The following EML6 variants were observed in gnomAD, a reference collection of about 807,000 sequenced individuals.
The protein encoded by EML6 is EMAP like 6, also known as echinoderm microtubule-associated protein-like 6.
EML6 carries 154 observed loss-of-function variants against 240.1 expected under a neutral mutation model. That is an observed-to-expected ratio of 0.64 (90% CI 0.56 to 0.73). EML6 has a LOEUF of 0.73. Ranked by LOEUF, EML6 falls within the 30% of genes least tolerant of loss-of-function variation. EML6 has a pLI of 0.00. For synonymous variants in EML6, 1,148 were observed against 899.0 expected (o/e 1.28, Z -4.95); for missense variants, 2,964 against 2,474.6 (o/e 1.20, Z -4.20).
At chr2:54,862,153 A>C (rs188339994) in intron 12 of EML6, among the ~76,000 whole-genome samples, 15 of 152,044 alleles carry the variant, frequency 9.9e-5, no homozygotes, top group African/African-American at 3.4e-4. Context: ...CCTGGCCAAC[A>C]TGGTGAAACA....
intron 28 of EML6, among the ~76,000 whole-genome samples, chr2:54,943,176 C>T (rs989751797): frequency 6.6e-6 from 1 of 152,244 alleles, no homozygotes; most frequent in Admixed American, 6.5e-5. Flanking sequence ...GGCACGCATT[C>T]CATCTTGGTG....
In EML6 at chr2:54,916,794, C is replaced by G. The variant is rs904624149; in HGVS notation, c.3534C>G (p.Val1178=). The change falls in exon 26 of 42, where the codon GTC becomes GTG. Residue 1178 remains valine (V), a synonymous_variant. Transcript: ENST00000356458. ...TAGAGTGGGACACATGGACCTGTGT[C>G]CTGGGGCCCACCTGTGAGGGAATCT... The part of the protein sequence containing the change: ...EKIEWDTWTC[V]LGPTCEGIWP... 4 of 1,542,920 alleles carry G rather than the reference C, an allele frequency of 2.6e-6. No homozygotes were observed. The African/African-American group carries it at 5.5e-5, about 21-fold the overall frequency.
At chr2:54,968,823 C>A in intron 41 of EML6, 55 bp downstream of exon 41, 1 of 967,018 alleles carries the variant, frequency 1.0e-6, no homozygotes, top group Non-Finnish European at 1.6e-6. Flanking sequence ...GCTCTCCCTC[C>A]CCATCTCAGG....
chr2:54,824,468 T>G (rs1335476402), intron 5 of EML6, among the ~76,000 whole-genome samples: 1 of 152,020 alleles, frequency 6.6e-6, no homozygotes, highest in African/African-American at 2.4e-5. Context: ...ATTTCTCCAC[T>G]TTTTTTTCCC....
At chr2:54,796,202 C>A (rs1026759538) in intron 2 of EML6, among the ~76,000 whole-genome samples, 2 of 152,156 alleles carry the variant, frequency 1.3e-5, no homozygotes, top group Non-Finnish European at 2.9e-5. Context: ...CTCTCCATAT[C>A]TACATCTAAT....
intron 9 of EML6, among the ~76,000 whole-genome samples, chr2:54,848,710 G>T (rs980705963): frequency 2.0e-5 from 3 of 152,084 alleles, no homozygotes; most frequent in African/African-American, 7.2e-5. Context: ...TGGCTCAGGG[G>T]ACCTGCTAGT....
intron 2 of EML6, among the ~76,000 whole-genome samples, chr2:54,811,637 G>T (rs1443386836): frequency 6.6e-6 from 1 of 152,160 alleles, no homozygotes; most frequent in Non-Finnish European, 1.5e-5. Flanking sequence ...GGTCCACAAG[G>T]GCCTGTTGAA....
chr2:54,933,849 C>T (rs746443113), intron 28 of EML6, among the ~76,000 whole-genome samples: 1 of 152,176 alleles, frequency 6.6e-6, no homozygotes, highest in African/African-American at 2.4e-5. Context: ...TTGCCACATC[C>T]AGGATCTGAG....
In EML6 at chr2:54,962,619, G is replaced by C. The variant is rs2104538141; in HGVS notation, c.5065G>C (p.Glu1689Gln). Residue 1689 changes from glutamate (E) to glutamine (Q), a missense_variant, in exon 36 of 42, where the codon GAG (glutamate) becomes CAG (glutamine). Transcript: ENST00000356458. ...NILIDGHMEGEIWGLATHPSK... is the reference protein window; with the variant it reads ...NILIDGHMEGQIWGLATHPSK... ...CCTGATTGATGGTCACATGGAAGGG[G>C]AGATCTGGGGCCTGGCCACTCACCC... 6.5e-7 allele frequency: 1 copy of C among 1,547,518 alleles called. No homozygotes were observed. The highest frequency in any genetic ancestry group is 1.4e-5 in the African/African-American group (1 of 73,066).
In EML6 at chr2:54,965,891, A is replaced by G. The variant is rs547125654; in HGVS notation, c.5494-1109A>G. 2.6e-5 allele frequency among the ~76,000 whole-genome samples: 4 copies of G among 152,352 alleles called. No homozygotes were observed. The East Asian group carries it at 5.8e-4, about 22-fold the overall frequency. ...AAAGGCAATCTGGTCCCCAGGCAAG[A>G]AGGAGGTCTGCTTTGGGAAAGGGCT... On this transcript the variant is annotated intron_variant, in intron 38 of 41. Transcript: ENST00000356458.
chr2:54,768,719 C>A (rs180710191), intron 2 of EML6, among the ~76,000 whole-genome samples: 1 of 152,224 alleles, frequency 6.6e-6, no homozygotes, highest in East Asian at 1.9e-4. Flanking sequence ...GTTTTCTCAT[C>A]TGTGAAGAAG....
chr2:54,815,461 A>G (rs1019363850), intron 3 of EML6, among the ~76,000 whole-genome samples: 3 of 152,218 alleles, frequency 2.0e-5, no homozygotes, highest in African/African-American at 7.2e-5. Flanking sequence ...GGGAACTGTC[A>G]CTACAGATGA....
At chr2:54,791,253 G>T (rs544197008) in intron 2 of EML6, among the ~76,000 whole-genome samples, 3 of 152,254 alleles carry the variant, frequency 2.0e-5, no homozygotes, top group African/African-American at 7.2e-5. Flanking sequence ...GGGAAGTGAC[G>T]GCACAGTTAC....
intron 28 of EML6, among the ~76,000 whole-genome samples, 186 bp downstream of exon 28, chr2:54,928,937 A>G (rs1385498184): frequency 6.6e-6 from 1 of 152,218 alleles, no homozygotes; most frequent in East Asian, 1.9e-4. Context: ...AGTACGTGGC[A>G]AAGGGCGGTT....
At chr2:54,751,369 A>G (rs563492606) in intron 2 of EML6, among the ~76,000 whole-genome samples, 19 of 152,304 alleles carry the variant, frequency 1.2e-4, no homozygotes, top group African/African-American at 4.6e-4. Context: ...GGGAGTATAG[A>G]TAAAATGGAA....
chr2:54,912,101 G>C (rs889483651), intron 25 of EML6, among the ~76,000 whole-genome samples: 23 of 152,328 alleles, frequency 1.5e-4, no homozygotes, highest in African/African-American at 5.5e-4. Flanking sequence ...AGTATTGTAA[G>C]GTTCTCCCTA....
At chr2:54,840,215 G>A (rs1669369787) in intron 7 of EML6, among the ~76,000 whole-genome samples, 1 of 152,218 alleles carries the variant, frequency 6.6e-6, no homozygotes, top group African/African-American at 2.4e-5. Flanking sequence ...GCTGTTGGAG[G>A]CCTTGGGAGA....
At chr2:54,788,728 G>A (rs547582860) in intron 2 of EML6, among the ~76,000 whole-genome samples, 1 of 152,242 alleles carries the variant, frequency 6.6e-6, no homozygotes, top group South Asian at 2.1e-4. Context: ...GTGAAACGGT[G>A]GTGAACACTA....
chr2:54,883,677 G>A (rs183009914), intron 17 of EML6, among the ~76,000 whole-genome samples: 3 of 152,244 alleles, frequency 2.0e-5, no homozygotes, highest in Non-Finnish European at 2.9e-5. Context: ...CGCCATCTAA[G>A]ATCTGACAAA....
Sources: allele counts gnomAD v4.1 joint callset (sites outside exome capture counted in the v4.1 genomes callset), GRCh38; gene constraint gnomAD v4.1.1; transcripts MANE v1.5; gene names NCBI Gene and HGNC (gene_info 2026-07-23, HGNC 2026-07-21).